The following CEP120 variants were observed in gnomAD, a reference collection of about 807,000 sequenced individuals.
CEP120 encodes the protein centrosomal protein of 120 kDa.
CEP120 carries 113 observed loss-of-function variants against 126.5 expected under a neutral mutation model. That is an observed-to-expected ratio of 0.89 (90% confidence interval 0.77 to 1.04). The LOEUF is 1.04. CEP120 is among the 50% of genes least tolerant of loss of function. The pLI, the probability that CEP120 is intolerant of heterozygous loss-of-function variation, is 0.00. For missense variants in CEP120, 1,230 were observed against 1,155.7 expected, an observed-to-expected ratio of 1.06 and a Z score of -0.93; for synonymous variants, 400 against 394.3, an observed-to-expected ratio of 1.01 and a Z score of -0.17.
At position 123,346,602 on chromosome 5, in the gene CEP120, C is replaced by A. The variant is rs763609517; in HGVS notation, c.2878G>T (p.Val960Leu). 6.2e-7 allele frequency: 1 copy of A among 1,614,016 alleles called. No individual in the cohort carries two copies. The highest frequency in any genetic ancestry group is 1.7e-5 in the Admixed American group (1 of 59,990). Reference sequence around the variant, plus strand: ...ATTATTCGATCCTCGTGATTATACACACCCGTTCTCATCAAAGTATCCCTT... The same window carrying A: ...ATTATTCGATCCTCGTGATTATACAAACCCGTTCTCATCAAAGTATCCCTT... ...EERDTLMRTG[V>L]YNHEDRIISE... Residue 960 changes from valine to leucine, a missense_variant, in exon 20 of 20, where the codon GTG becomes TTG. Coordinates refer to ENST00000306467, the MANE Select transcript of CEP120 (RefSeq NM_001375405.1).
rs567006349 is a variant in CEP120 at position 123,413,279 on chromosome 5, A to T, written c.322-739T>A. Among the ~76,000 whole-genome samples, 81 of 151,910 alleles carry T rather than the reference A, an allele frequency of 5.3e-4. No homozygotes were observed. In the South Asian group the frequency reaches 7.9e-3, roughly 15 times the overall value. On this transcript the variant is annotated intron_variant, in intron 3 of 19. Transcript: ENST00000306467. ...AGGAGTGAAGCCCTGTCGCAAAAAA[A>T]AATAATAATAATAATAAATAAATAA...
chr5:123,357,905 A>G (rs1256077397), intron 18 of CEP120, among the ~76,000 whole-genome samples: 1 of 152,200 alleles, frequency 6.6e-6, no homozygotes, highest in Non-Finnish European at 1.5e-5. Context: ...GTGAAGGACA[A>G]GAACAATTAT....
Position 123,395,534 on chromosome 5 carries a change from C to T in CEP120, c.613-2037G>A, listed in dbSNP as rs150189014. On this transcript the variant is annotated intron_variant, in intron 5 of 19. Coordinates refer to ENST00000306467, the MANE Select transcript of CEP120 (RefSeq NM_001375405.1). ...TCTCCTGCCCCCAGTCCCTGGAAATCACAAATCTGCTTGTAGGAACTTTTG... is the reference window on the plus strand; with the variant it reads ...TCTCCTGCCCCCAGTCCCTGGAAATTACAAATCTGCTTGTAGGAACTTTTG... Among the ~76,000 whole-genome samples, 442 of 152,282 alleles carry T rather than the reference C, an allele frequency of 2.9e-3. 3 individuals carry two copies. The highest frequency in any genetic ancestry group is 9.9e-3 in the African/African-American group (410 of 41,560).
chr5:123,379,979 AGT>A (rs1316339527), intron 14 of CEP120, among the ~76,000 whole-genome samples: 2 of 152,098 alleles, frequency 1.3e-5, no homozygotes, highest in Non-Finnish European at 2.9e-5. Flanking sequence ...TCTGACAGGC[AGT>A]CATATGTAAG....
At chr5:123,372,828 A>G (rs1770942503) in intron 16 of CEP120, 56 bp from the exon 17 acceptor site, 5 of 1,406,824 alleles carry the variant, frequency 3.6e-6, no homozygotes, top group Admixed American at 2.5e-5. Flanking sequence ...GTTTAACAAT[A>G]AAGTATTCAA....
At chr5:123,410,997 C>T (rs1774021157) in intron 4 of CEP120, among the ~76,000 whole-genome samples, 3 of 152,150 alleles carry the variant, frequency 2.0e-5, no homozygotes, top group Admixed American at 2.0e-4. Context: ...AGAAAATGAA[C>T]AACCCAATTT....
chr5:123,402,210 C>T, intron 4 of CEP120: 1 of 1,547,066 alleles, frequency 6.5e-7, no homozygotes, highest in Non-Finnish European at 8.9e-7. Context: ...ACCCCGAAAG[C>T]AGCTGCTGCC....
At chr5:123,399,341 G>A in intron 4 of CEP120, 57 bp from the exon 5 acceptor site, 1 of 1,516,768 alleles carries the variant, frequency 6.6e-7, no homozygotes. Context: ...ACCATTATAA[G>A]ATTTTTAAAA....
intron 19 of CEP120, 59 bp from the exon 20 acceptor site, chr5:123,346,812 A>G (rs1393025346): frequency 1.7e-6 from 2 of 1,205,212 alleles, no homozygotes; most frequent in Admixed American, 2.6e-5. Flanking sequence ...TAATGTCACT[A>G]TTTAAAAACA....
chr5:123,391,113 G>T lies in CEP120; in HGVS notation c.1035C>A (p.Ser345=). Residue 345 remains serine, a synonymous_variant, in exon 7 of 20, where the codon TCC becomes TCA. Coordinates refer to ENST00000306467, the MANE Select transcript of CEP120 (RefSeq NM_001375405.1). ...ATGAAGGAGGGCCACTACTTGCCTG[G>T]GAGTCTATGCCTTCTCTCTGCAGAG... ...SVALQREGID[S]QSLIELKTQN... The T allele has an allele frequency of 6.2e-7, 1 of 1,610,548 alleles. No homozygotes were observed. Among genetic ancestry groups the T allele is most frequent in the South Asian group, 1.1e-5 (1 of 90,792 alleles).
upstream of CEP120, chr5:123,423,455 C>T (rs973446320): frequency 1.7e-5 from 3 of 177,934 alleles, no homozygotes; most frequent in African/African-American, 7.2e-5. Flanking sequence ...GCGAGCTTCG[C>T]CTCCCGCCCT....
chr5:123,386,538 C>A lies in CEP120; in HGVS notation c.1560G>T (p.Gln520His). 6.4e-7 allele frequency: 1 copy of A among 1,572,924 alleles called. No individual in the cohort carries two copies. The highest frequency in any genetic ancestry group is 8.6e-7 in the Non-Finnish European group (1 of 1,163,412). The change falls in exon 10 of 20, where the codon CAG becomes CAT. Residue 520 changes from glutamine (Q) to histidine (H), a missense_variant. Gln to His is a conservative substitution (Grantham distance 24, BLOSUM62 0). Transcript: ENST00000306467. ...CAFDFATMPH[Q>H]LQDTFLRIPL... Reference sequence around the variant, plus strand: ...ATTACCTTAAGAAGGTGTCTTGCAGCTGATGAGGCATAGTTGCAAAATCAA... The same window carrying A: ...ATTACCTTAAGAAGGTGTCTTGCAGATGATGAGGCATAGTTGCAAAATCAA...
At chr5:123,365,539 C>CG (rs1770394202) in intron 17 of CEP120, among the ~76,000 whole-genome samples, 1 of 151,670 alleles carries the variant, frequency 6.6e-6, no homozygotes, top group Non-Finnish European at 1.5e-5. Flanking sequence ...ATTCCCTTCA[C>CG]AAAAGTGCAG....
At chr5:123,401,364 G>A in intron 4 of CEP120, 1 of 1,540,482 alleles carries the variant, frequency 6.5e-7, no homozygotes, top group South Asian at 1.1e-5. Flanking sequence ...AAAGCCCTCT[G>A]GCCTTTGAGG....
chr5:123,375,878 T>C (rs1332507426), intron 16 of CEP120, among the ~76,000 whole-genome samples: 2 of 152,130 alleles, frequency 1.3e-5, no homozygotes, highest in East Asian at 1.9e-4. Context: ...TCTGTGCTGC[T>C]GTGGAAACTG....
At chr5:123,399,768 G>A (rs1313366995) in intron 4 of CEP120, among the ~76,000 whole-genome samples, 1 of 152,186 alleles carries the variant, frequency 6.6e-6, no homozygotes, top group African/African-American at 2.4e-5. Flanking sequence ...AGAGGGAGGT[G>A]GGGCTGGATA....
chr5:123,364,390 A>G lies in CEP120; in HGVS notation c.2580+106T>C, dbSNP rs568338037. 3.5e-4 allele frequency: 171 copies of G among 489,954 alleles called. 1 individual carries two copies. The highest frequency in any genetic ancestry group is 5.3e-4 in the Non-Finnish European group (150 of 285,408). The allele number at this position is 489,954 out of a possible 1,614,324, so 30.4% of individuals were successfully genotyped here. A position where few individuals can be genotyped will look rare whatever the true frequency, so the allele number is the denominator to read the frequency against. Reference sequence around the variant, plus strand: ...AAAGCCTCTAATCTCAAAAAATAGCAATATTCAAATGCAGACATCAGAGCA... The same window carrying G: ...AAAGCCTCTAATCTCAAAAAATAGCGATATTCAAATGCAGACATCAGAGCA... On this transcript the variant is annotated intron_variant, in intron 18 of 19. Coordinates refer to ENST00000306467, the MANE Select transcript of CEP120 (RefSeq NM_001375405.1).
In CEP120 at chr5:123,349,926, C is replaced by T. The variant is rs774310493; in HGVS notation, c.2726+18G>A. 2 of 1,604,818 alleles carry T rather than the reference C, an allele frequency of 1.2e-6. No homozygotes were observed. Among genetic ancestry groups the T allele is most frequent in the Non-Finnish European group, 8.5e-7 (1 of 1,176,580 alleles). ...ACCAAACTTTGGCTTTTGAAAGAAA[C>T]ACTTTTAGTTATTATACCTGTTCAA... On this transcript the variant is annotated intron_variant, in intron 19 of 19. Coordinates refer to ENST00000306467, the MANE Select transcript of CEP120 (RefSeq NM_001375405.1).
At position 123,393,385 on chromosome 5, in the gene CEP120, T is replaced by A; in HGVS notation, c.725A>T (p.Asn242Ile). The change falls in exon 6 of 20, where the codon AAC becomes ATC. Residue 242 changes from asparagine (N) to isoleucine (I), a missense_variant. Coordinates refer to ENST00000306467, the MANE Select transcript of CEP120 (RefSeq NM_001375405.1). ...NEPFNDLINP[N>I]FEPERASVRI... is the part of the protein sequence containing the mutation. ...AACTGATGCTCTCTCTGGCTCAAAGTTTGGGTTGATTAAATCATTGAAGGG... is the reference window on the plus strand; with the variant it reads ...AACTGATGCTCTCTCTGGCTCAAAGATTGGGTTGATTAAATCATTGAAGGG... 6.2e-7 allele frequency: 1 copy of A among 1,614,078 alleles called. No individual in the cohort carries two copies.
Sources: allele counts gnomAD v4.1 joint callset (sites outside exome capture counted in the v4.1 genomes callset), GRCh38; gene constraint gnomAD v4.1.1; transcripts MANE v1.5; gene names NCBI Gene and HGNC (gene_info 2026-07-23, HGNC 2026-07-21).